The following PTPRT variants were observed in gnomAD, a reference collection of about 807,000 sequenced individuals.
PTPRT encodes the protein receptor-type tyrosine-protein phosphatase T.
A neutral mutation model predicts 176.8 loss-of-function variants in PTPRT; 56 were observed. The observed-to-expected ratio is 0.32, with a 90% CI of 0.26 to 0.40. The LOEUF is 0.40. Ranked by LOEUF, PTPRT falls within the 10% of genes least tolerant of loss-of-function variation. PTPRT has a pLI of 1.00. For synonymous variants in PTPRT, 783 were observed against 739.0 expected (o/e 1.06, Z -0.96); for missense variants, 1,540 against 1,908.2 (o/e 0.81, Z 3.60).
chr20:42,051,118 C>T, the PTPRT span, among the ~76,000 whole-genome samples: 13 of 152,190 alleles, frequency 8.5e-5, no homozygotes, highest in Non-Finnish European at 1.9e-4. Flanking sequence ...CCATGGAGAC[C>T]AGCAGACTGG....
In PTPRT at chr20:42,772,968, C is replaced by T. The variant is rs138461645; in HGVS notation, c.569-1418G>A. Reference sequence around the variant, plus strand: ...GTTTAATGTGCTGAAAGCTACACAGCGCTAGTGAAAGACAGAAACAAAATT... The same window carrying T: ...GTTTAATGTGCTGAAAGCTACACAGTGCTAGTGAAAGACAGAAACAAAATT... On this transcript the variant is annotated intron_variant, in intron 4 of 30. Coordinates refer to ENST00000373187, the MANE Select transcript of PTPRT (RefSeq NM_007050.6). Among the ~76,000 whole-genome samples, 41 of 152,292 alleles carry T rather than the reference C, an allele frequency of 2.7e-4. No individual in the cohort carries two copies. In the South Asian group the frequency reaches 5.8e-3, roughly 22 times the overall value.
At chr20:42,776,409 C>G (rs2077136075) in intron 4 of PTPRT, among the ~76,000 whole-genome samples, 1 of 152,112 alleles carries the variant, frequency 6.6e-6, no homozygotes, top group African/African-American at 2.4e-5. Flanking sequence ...TCCAATCTGA[C>G]CAGTATTCTC....
chr20:42,821,382 C>G (rs1420985341), intron 2 of PTPRT, among the ~76,000 whole-genome samples: 3 of 152,160 alleles, frequency 2.0e-5, no homozygotes, highest in African/African-American at 7.2e-5. Context: ...TAAAAACTCT[C>G]AATAACCTTG....
At chr20:43,076,197 G>C (rs2011271445) in intron 1 of PTPRT, among the ~76,000 whole-genome samples, 1 of 152,106 alleles carries the variant, frequency 6.6e-6, no homozygotes, top group South Asian at 2.1e-4. Context: ...TTCTGTGCGT[G>C]TCTTTTCTTC....
intron 27 of PTPRT, among the ~76,000 whole-genome samples, chr20:42,086,747 A>ATATATATAT (rs59722053): frequency 5.1e-5 from 3 of 58,758 alleles, no homozygotes; most frequent in African/African-American, 2.3e-4. Context: ...AAAAAAAAAA[A>ATATATATAT]AAAAAAATAT....
chr20:42,679,297 G>A (rs1242883474), intron 6 of PTPRT, among the ~76,000 whole-genome samples: 3 of 147,550 alleles, frequency 2.0e-5, no homozygotes, highest in Non-Finnish European at 4.4e-5. Flanking sequence ...ACTTTAATGG[G>A]GAAAAAAAAA....
chr20:42,424,517 T>C (rs898951334), intron 9 of PTPRT, among the ~76,000 whole-genome samples: 6 of 152,114 alleles, frequency 3.9e-5, no homozygotes, highest in African/African-American at 1.2e-4. Flanking sequence ...CTCAAAAGCC[T>C]TAAACAGCAA....
At chr20:42,395,906 G>A (rs1295887643) in intron 9 of PTPRT, among the ~76,000 whole-genome samples, 2 of 152,010 alleles carry the variant, frequency 1.3e-5, no homozygotes, top group Non-Finnish European at 2.9e-5. Flanking sequence ...GGGTCCCAAA[G>A]CTTAGCACTA....
chr20:42,043,369 T>A, the PTPRT span, among the ~76,000 whole-genome samples: 1 of 152,212 alleles, frequency 6.6e-6, no homozygotes, highest in South Asian at 2.1e-4. Context: ...TTTCTCCTGA[T>A]GGATATATAG....
At chr20:42,324,418 T>C (rs576127818) in intron 11 of PTPRT, among the ~76,000 whole-genome samples, 7 of 152,296 alleles carry the variant, frequency 4.6e-5, no homozygotes, top group African/African-American at 1.4e-4. Flanking sequence ...TATGGTGTGA[T>C]GAAAATATTC....
At chr20:42,955,891 A>G (rs571523326) in intron 1 of PTPRT, among the ~76,000 whole-genome samples, 1 of 151,332 alleles carries the variant, frequency 6.6e-6, no homozygotes, top group South Asian at 2.1e-4. Flanking sequence ...ATGAACCTAT[A>G]CAAGGCAGTG....
intron 15 of PTPRT, among the ~76,000 whole-genome samples, chr20:42,231,533 G>T (rs2056135208): frequency 6.6e-6 from 1 of 152,150 alleles, no homozygotes; most frequent in African/African-American, 2.4e-5. Context: ...CTGGTATAGG[G>T]TGCGCCTTAT....
intron 1 of PTPRT, among the ~76,000 whole-genome samples, chr20:43,093,858 C>T (rs1377151763): frequency 6.6e-6 from 1 of 152,154 alleles, no homozygotes; most frequent in Non-Finnish European, 1.5e-5. Flanking sequence ...GTCTGGGCCC[C>T]TGTGCTGACC....
At chr20:43,155,119 CATT>C (rs1292886991) in intron 1 of PTPRT, among the ~76,000 whole-genome samples, 4 of 152,114 alleles carry the variant, frequency 2.6e-5, no homozygotes, top group African/African-American at 9.7e-5. Flanking sequence ...TTAGTACAGA[CATT>C]ATGAAAAACA....
intron 1 of PTPRT, among the ~76,000 whole-genome samples, chr20:43,114,046 T>TA (rs1441619605): frequency 1.3e-5 from 2 of 152,214 alleles, no homozygotes; most frequent in Non-Finnish European, 2.9e-5. Context: ...TAAACACACT[T>TA]ACACACATAC....
At chr20:42,478,218 G>C (rs965811552) in intron 7 of PTPRT, among the ~76,000 whole-genome samples, 7 of 152,162 alleles carry the variant, frequency 4.6e-5, no homozygotes, top group Non-Finnish European at 1.0e-4. Flanking sequence ...AAAGGAGAAG[G>C]GGGAAGGGGC....
intron 27 of PTPRT, among the ~76,000 whole-genome samples, chr20:42,096,896 A>G (rs1474034697): frequency 6.6e-6 from 1 of 151,664 alleles, no homozygotes; most frequent in Non-Finnish European, 1.5e-5. Flanking sequence ...TCTTTCTAAC[A>G]GGAACCCTGG....
chr20:42,056,909 C>T, the PTPRT span, among the ~76,000 whole-genome samples: 1 of 152,148 alleles, frequency 6.6e-6, no homozygotes, highest in Admixed American at 6.5e-5. Context: ...ATGGACCCTC[C>T]CCATCCATTC....
intron 1 of PTPRT, among the ~76,000 whole-genome samples, chr20:42,988,876 A>C (rs969661398): frequency 2.0e-5 from 3 of 152,192 alleles, no homozygotes; most frequent in African/African-American, 7.2e-5. Context: ...TGAGCATCAC[A>C]ATGATGGAAT....
Sources: allele counts gnomAD v4.1 joint callset (sites outside exome capture counted in the v4.1 genomes callset), GRCh38; gene constraint gnomAD v4.1.1; transcripts MANE v1.5; gene names NCBI Gene and HGNC (gene_info 2026-07-23, HGNC 2026-07-21).